The following FHL2 variants were observed in gnomAD, a reference collection of about 807,000 sequenced individuals.
FHL2 encodes the protein four and a half LIM domains 2.
A neutral mutation model predicts 32.7 loss-of-function variants in FHL2; 20 were observed. The observed-to-expected ratio is 0.61, with a 90% confidence interval of 0.43 to 0.89. The LOEUF is 0.89. FHL2 is among the 40% of genes least tolerant of loss of function. FHL2 has a pLI of 0.00. For synonymous variants in FHL2, 123 were observed against 128.1 expected (o/e 0.96, Z 0.27); for missense variants, 311 against 358.6 (o/e 0.87, Z 1.07).
At chr2:105,423,222 C>CA in intron 1 of FHL2, among the ~76,000 whole-genome samples, 1 of 152,238 alleles carries the variant, frequency 6.6e-6, no homozygotes, top group East Asian at 1.9e-4. Flanking sequence ...ATAATGTCTC[C>CA]AAAAAATGAA....
chr2:105,387,266 C>T (rs762825673), intron 2 of FHL2, among the ~76,000 whole-genome samples: 14 of 152,124 alleles, frequency 9.2e-5, no homozygotes, highest in Non-Finnish European at 1.8e-4. Context: ...AAAGATTTTC[C>T]GTGAGCTCCT....
intron 1 of FHL2, among the ~76,000 whole-genome samples, chr2:105,422,087 T>C (rs938894990): frequency 5.9e-5 from 9 of 152,164 alleles, no homozygotes; most frequent in African/African-American, 2.2e-4. Context: ...TACATGCAAG[T>C]CCTCCAACAC....
intron 1 of FHL2, among the ~76,000 whole-genome samples, chr2:105,417,351 C>A (rs1683963576): frequency 6.6e-6 from 1 of 150,706 alleles, no homozygotes; most frequent in Admixed American, 6.6e-5. Context: ...CACTGAACTC[C>A]AGCCTGGCAA....
At chr2:105,409,536 C>T (rs1313315483) in intron 1 of FHL2, among the ~76,000 whole-genome samples, 1 of 152,180 alleles carries the variant, frequency 6.6e-6, no homozygotes, top group Non-Finnish European at 1.5e-5. Flanking sequence ...GCCATAAAGG[C>T]ATTAACATAA....
chr2:105,418,337 TGGGCCACAG>T (rs934020771), intron 1 of FHL2, among the ~76,000 whole-genome samples: 5 of 152,100 alleles, frequency 3.3e-5, no homozygotes, highest in African/African-American at 1.2e-4. Flanking sequence ...GCAAGCCACC[TGGGCCACAG>T]GGAAACACTC....
intron 1 of FHL2, among the ~76,000 whole-genome samples, chr2:105,435,421 G>A (rs1284508357): frequency 6.6e-6 from 1 of 152,152 alleles, no homozygotes; most frequent in Non-Finnish European, 1.5e-5. Context: ...ACCGTGAACT[G>A]ATACCTTGAA....
chr2:105,416,602 A>G (rs1371484412), intron 1 of FHL2, among the ~76,000 whole-genome samples: 3 of 152,238 alleles, frequency 2.0e-5, no homozygotes, highest in African/African-American at 7.2e-5. Context: ...CATTTGGTCT[A>G]TCTTAAGCTT....
In FHL2 at chr2:105,368,320, A is replaced by C. The variant is rs75627465; in HGVS notation, c.332-581T>G. 7.2e-5 allele frequency among the ~76,000 whole-genome samples: 11 copies of C among 152,310 alleles called. No homozygotes were observed. The East Asian group carries it at 2.1e-3, about 29-fold the overall frequency. ...ATGCACTGTACTAAGTGCTATAATT[A>C]AAACCTACATGTAGTTTTTTTTTGT... is the stretch of plus-strand genomic sequence containing the variant. On this transcript the variant is annotated intron_variant, in intron 4 of 6. Transcript: ENST00000530340.
intron 2 of FHL2, among the ~76,000 whole-genome samples, chr2:105,387,799 T>C (rs1682427933): frequency 1.3e-5 from 2 of 152,220 alleles, no homozygotes; most frequent in African/African-American, 4.8e-5. Flanking sequence ...TAAAGACACA[T>C]GTACATGAAT....
Position 105,361,384 on chromosome 2 carries a change from C to T in FHL2, c.739G>A (p.Asp247Asn), listed in dbSNP as rs769888361. ...ISFEERQWHN[D>N]CFNCKKCSLS... ...GAGCACTTCTTACAGTTAAAGCAGT[C>T]GTTATGCCACTGCCGTTCCTCAAAG... The change falls in exon 7 of 7, where the codon GAC becomes AAC. Residue 247 changes from aspartate to asparagine, a missense_variant. Physicochemically the swap from Asp to Asn is conservative, Grantham distance 23 (BLOSUM62 1). Transcript: ENST00000530340. 2.0e-5 allele frequency: 33 copies of T among 1,613,896 alleles called. No homozygotes were observed. The highest frequency in any genetic ancestry group is 7.7e-5 in the South Asian group (7 of 91,054).
At chr2:105,367,002 TCCCA>T (rs1187474213) in intron 5 of FHL2, among the ~76,000 whole-genome samples, 1 of 152,156 alleles carries the variant, frequency 6.6e-6, no homozygotes, top group Non-Finnish European at 1.5e-5. Context: ...AGCCTTGGCC[TCCCA>T]CAGGTGATCC....
intron 1 of FHL2, among the ~76,000 whole-genome samples, chr2:105,412,280 C>T (rs1295392622): frequency 1.3e-5 from 2 of 152,132 alleles, no homozygotes; most frequent in African/African-American, 4.8e-5. Flanking sequence ...GACACATGCT[C>T]CAACAGGGAT....
At chr2:105,409,809 G>A (rs990770752) in intron 1 of FHL2, among the ~76,000 whole-genome samples, 9 of 152,200 alleles carry the variant, frequency 5.9e-5, no homozygotes, top group African/African-American at 1.7e-4. Flanking sequence ...GGAAAAACAC[G>A]TGGCTGCACT....
chr2:105,383,469 G>C (rs145283166), intron 3 of FHL2, among the ~76,000 whole-genome samples: 14 of 152,314 alleles, frequency 9.2e-5, no homozygotes, highest in African/African-American at 3.4e-4. Flanking sequence ...GCTACATAGA[G>C]AGGATGTTCA....
rs1467761807 is a variant in FHL2 at position 105,361,302 on chromosome 2, TC to T, written c.820del (p.Asp274ThrfsTer41). ...LTERDDILCPDCGKDI is the reference protein window; with the variant it reads ...LTERDDILCPXCGKDI ...TTGAATTCAGATGTCTTTCCCACAG[TC>T]GGGGCACAGGATGTCGTCCCTCTCT... On this transcript the variant is annotated frameshift_variant, in exon 7 of 7. Transcript: ENST00000530340. LOFTEE classifies it high-confidence loss of function. 1 of 1,613,486 alleles carries T rather than the reference TC, an allele frequency of 6.2e-7. No homozygotes were observed. The highest frequency in any genetic ancestry group is 2.2e-5 in the East Asian group (1 of 44,888).
Position 105,399,030 on chromosome 2 carries a change from G to T in FHL2, c.-264C>A, listed in dbSNP as rs746077628. The T allele has an allele frequency of 1.7e-5, 26 of 1,495,248 alleles. No homozygotes were observed. Among genetic ancestry groups the T allele is most frequent in the Non-Finnish European group, 2.1e-5 (24 of 1,125,286 alleles). 92.6% of individuals were successfully genotyped at this position (1,495,248 alleles called of 1,614,324 possible). On this transcript the variant is annotated 5_prime_UTR_variant, in exon 1 of 7. Transcript: ENST00000530340. ...TGGAGGGCGCGGGCGGCTGGTGGCT[G>T]CGGCTCCGCTGCCGGCCGAGTGGAG... is the stretch of plus-strand genomic sequence containing the variant.
intron 1 of FHL2, among the ~76,000 whole-genome samples, chr2:105,435,312 C>T (rs928706627): frequency 1.3e-5 from 2 of 152,064 alleles, no homozygotes; most frequent in African/African-American, 4.8e-5. Context: ...TCATATAACC[C>T]ATTGTGCCTT....
chr2:105,394,645 T>C (rs1160558942), intron 2 of FHL2, among the ~76,000 whole-genome samples: 1 of 152,116 alleles, frequency 6.6e-6, no homozygotes, highest in East Asian at 1.9e-4. Flanking sequence ...AAAAAAAGTA[T>C]CTAGCATCCA....
Position 105,363,449 on chromosome 2 carries a change from G to C in FHL2, c.524C>G (p.Thr175Ser). The C allele has an allele frequency of 1.2e-6, 2 of 1,610,984 alleles. No homozygotes were observed. Among genetic ancestry groups the C allele is most frequent in the Non-Finnish European group, 1.7e-6 (2 of 1,178,654 alleles). The change falls in exon 6 of 7, where the codon ACT (threonine) becomes AGT (serine). Residue 175 changes from threonine to serine, a missense_variant. By Grantham distance (58) the Thr-to-Ser change is moderately conservative. Transcript: ENST00000530340. ...CTTGTGCCAGGGCTGCTCCCGGTAA[G>C]TGACCCCTCCCGTGGTGATGGGCTG... ...CKKPITTGGVTYREQPWHKEC... is the reference protein window; with the variant it reads ...CKKPITTGGVSYREQPWHKEC...
Sources: gnomAD v4.1 joint callset for allele counts (sites outside exome capture counted in the v4.1 genomes callset) on GRCh38, gnomAD v4.1.1 for gene constraint, MANE v1.5 for transcripts, NCBI Gene and HGNC (gene_info 2026-07-23, HGNC 2026-07-21) for gene names.